The following FNBP1 variants were observed in gnomAD, a reference collection of about 807,000 sequenced individuals.
FNBP1 encodes formin-binding protein 1.
FNBP1 carries 26 observed loss-of-function variants against 90.6 expected under a neutral mutation model. That is an observed-to-expected ratio of 0.29 (90% CI 0.21 to 0.40). The LOEUF is 0.40. Among genes scored for constraint, FNBP1 ranks in the 10% least tolerant of loss-of-function variants. The pLI is 1.00. For missense variants in FNBP1, 635 were observed against 768.0 expected (o/e 0.83, Z 2.05); for synonymous variants, 260 against 265.2 (o/e 0.98, Z 0.19).
intron 4 of FNBP1, among the ~76,000 whole-genome samples, chr9:129,977,884 T>C (rs886812538): frequency 1.3e-5 from 2 of 152,154 alleles, no homozygotes; most frequent in Non-Finnish European, 2.9e-5. Context: ...CCCTGAAATA[T>C]ATTTAAATTC....
At position 129,890,296 on chromosome 9, in the gene FNBP1, C is replaced by T. The variant is rs2034982342; in HGVS notation, c.*243G>A. On this transcript the variant is annotated 3_prime_UTR_variant, in exon 17 of 17. Transcript: ENST00000446176. This position sits in a 1 kb window ranked among gnomAD's most constrained non-coding sequence, Gnocchi z 5.8. ...GCCTGCGCGGGGTGGGGAGGGGGAG[C>T]GATGAGGACTGACCCGAGCCATGGG... 5.7e-6 allele frequency: 3 copies of T among 530,928 alleles called. No individual in the cohort carries two copies. Among genetic ancestry groups the T allele is most frequent in the Non-Finnish European group, 1.0e-5 (3 of 300,054 alleles). The allele number at this position is 530,928 out of a possible 1,614,324, so 32.9% of individuals were successfully genotyped here.
At chr9:129,968,994 C>T (rs769638003) in intron 4 of FNBP1, among the ~76,000 whole-genome samples, 2 of 152,298 alleles carry the variant, frequency 1.3e-5, no homozygotes, top group African/African-American at 4.8e-5. Flanking sequence ...TAGTGGTAAT[C>T]GCTGTGGAAA....
intron 4 of FNBP1, among the ~76,000 whole-genome samples, chr9:129,973,601 C>G (rs981117612): frequency 6.7e-6 from 1 of 148,930 alleles, no homozygotes; most frequent in Non-Finnish European, 1.5e-5. Context: ...CCTGGGTTCA[C>G]GCCATTCTCC....
intron 1 of FNBP1, among the ~76,000 whole-genome samples, chr9:129,998,593 T>C (rs1036897763): frequency 6.6e-6 from 1 of 152,132 alleles, no homozygotes; most frequent in East Asian, 1.9e-4. Context: ...TCAGCAGTCA[T>C]AGGTGCCACC....
intron 1 of FNBP1, among the ~76,000 whole-genome samples, chr9:129,996,492 G>C (rs2054023666): frequency 6.6e-6 from 1 of 152,144 alleles, no homozygotes; most frequent in Non-Finnish European, 1.5e-5. Flanking sequence ...ATTTCACAGA[G>C]ACAGGCCCCC....
At chr9:130,007,246 AAAAAAAAAAAAG>A (rs1199049946) in intron 1 of FNBP1, among the ~76,000 whole-genome samples, 8 of 148,930 alleles carry the variant, frequency 5.4e-5, no homozygotes, top group African/African-American at 2.0e-4. Context: ...TGTCAAAAAA[AAAAAAAAAAAAG>A]AAAAAAAAAA....
chr9:129,992,217 A>G (rs1028818701), intron 2 of FNBP1, among the ~76,000 whole-genome samples: 1 of 152,206 alleles, frequency 6.6e-6, no homozygotes, highest in East Asian at 1.9e-4. Flanking sequence ...GAATACCAGT[A>G]GCCCGCTTGA....
intron 6 of FNBP1, among the ~76,000 whole-genome samples, chr9:129,931,439 T>TA (rs572795250): frequency 2.3e-3 from 348 of 150,772 alleles, no homozygotes; most frequent in African/African-American, 7.9e-3. Flanking sequence ...CCGTCTCTAC[T>TA]AAAAAAAATA....
intron 1 of FNBP1, among the ~76,000 whole-genome samples, chr9:130,018,994 G>A (rs1232450350): frequency 6.6e-6 from 1 of 152,134 alleles, no homozygotes; most frequent in Admixed American, 6.6e-5. Context: ...GGAAGCCGAG[G>A]CAAGTGGATC....
chr9:129,911,520 G>A (rs1293630017), intron 11 of FNBP1, among the ~76,000 whole-genome samples: 5 of 152,156 alleles, frequency 3.3e-5, no homozygotes, highest in Admixed American at 3.3e-4. Flanking sequence ...AGGGTTTTTG[G>A]GGAGATTCTT....
Position 129,900,027 on chromosome 9 carries a change from T to A in FNBP1, c.1625A>T (p.Glu542Val). Residue 542 changes from glutamate (E) to valine (V), a missense_variant, in exon 15 of 17, where the codon GAG becomes GTG. Physicochemically the swap from Glu to Val is moderately radical, Grantham distance 121. Coordinates refer to ENST00000446176, the MANE Select transcript of FNBP1 (RefSeq NM_015033.3). This position sits in a 1 kb window ranked among gnomAD's most constrained non-coding sequence, Gnocchi z 4.1. ...MKVLATDFDD[E>V]FDDEEPLPAI... is the part of the protein sequence containing the mutation. The stretch of plus-strand genomic sequence containing the variant: ...AGGGAGGGGCTCCTCATCATCAAAC[T>A]CGTCGTCAAAATCCGTGGCCAGCAC... 6.2e-7 allele frequency: 1 copy of A among 1,613,622 alleles called. No individual in the cohort carries two copies. The highest frequency in any genetic ancestry group is 8.5e-7 in the Non-Finnish European group (1 of 1,179,734).
chr9:130,005,349 T>C (rs959387258), intron 1 of FNBP1, among the ~76,000 whole-genome samples: 3 of 150,630 alleles, frequency 2.0e-5, no homozygotes, highest in Non-Finnish European at 3.0e-5. Flanking sequence ...AGATTTTTTT[T>C]TTTTTTTTTT....
chr9:129,989,163 C>A (rs1256346215), intron 2 of FNBP1, among the ~76,000 whole-genome samples: 1 of 152,226 alleles, frequency 6.6e-6, no homozygotes, highest in East Asian at 1.9e-4. Context: ...TAACCACCCC[C>A]ACTTCAATCT....
chr9:129,956,948 T>C (rs2047030548), intron 6 of FNBP1, among the ~76,000 whole-genome samples: 1 of 152,070 alleles, frequency 6.6e-6, no homozygotes, highest in South Asian at 2.1e-4. Context: ...TGTAGCGCCT[T>C]TTGTGGCTAC....
At chr9:130,050,298 G>T in the FNBP1 span, among the ~76,000 whole-genome samples, 2 of 152,224 alleles carry the variant, frequency 1.3e-5, no homozygotes, top group East Asian at 3.9e-4. Context: ...CCCCTGTAAA[G>T]ATGTACATAA....
chr9:129,943,124 T>C (rs1460122080), intron 6 of FNBP1, among the ~76,000 whole-genome samples: 2 of 152,194 alleles, frequency 1.3e-5, no homozygotes. Flanking sequence ...TGAAGTTGTC[T>C]CTACCTCAGT....
At chr9:129,897,987 G>A (rs1184531276) in intron 15 of FNBP1, among the ~76,000 whole-genome samples, 2 of 151,890 alleles carry the variant, frequency 1.3e-5, no homozygotes, top group Non-Finnish European at 2.9e-5. Flanking sequence ...CCGCCACCAC[G>A]CCTCACTGAT....
rs1318212842 is a variant in FNBP1 at position 129,974,400 on chromosome 9, A to G, written c.345+4065T>C. On this transcript the variant is annotated intron_variant, in intron 4 of 16. Coordinates refer to ENST00000446176, the MANE Select transcript of FNBP1 (RefSeq NM_015033.3). ...TTAGCTATTATAATCTATAGCAAGCATGAGGCTAAACACTCGGCCTCCCGA... is the reference window on the plus strand; with the variant it reads ...TTAGCTATTATAATCTATAGCAAGCGTGAGGCTAAACACTCGGCCTCCCGA... Among the ~76,000 whole-genome samples, 4 of 152,230 alleles carry G rather than the reference A, an allele frequency of 2.6e-5. No individual in the cohort carries two copies. The East Asian group carries it at 5.8e-4, about 22-fold the overall frequency.
chr9:129,945,747 A>G (rs76618199), intron 6 of FNBP1, among the ~76,000 whole-genome samples: 15,287 of 152,290 alleles, frequency 0.1, 862 homozygotes, highest in African/African-American at 0.16. Flanking sequence ...TTGTTTTCTT[A>G]AGATAATTAT....
Sources: gnomAD v4.1 joint callset for allele counts (sites outside exome capture counted in the v4.1 genomes callset) on GRCh38, gnomAD v4.1.1 for gene constraint, Gnocchi (gnomAD v3.1) non-coding constraint, MANE v1.5 for transcripts, NCBI Gene and HGNC (gene_info 2026-07-23, HGNC 2026-07-21) for gene names.